The following FAM120A variants were observed in gnomAD, a reference collection of about 807,000 sequenced individuals.
FAM120A encodes the protein constitutive coactivator of PPAR-gamma-like protein 1.
A neutral mutation model predicts 109.7 loss-of-function variants in FAM120A; 15 were observed. The ratio of observed to expected loss-of-function variants is 0.14; its 90% CI spans 0.09 to 0.21. FAM120A has a LOEUF of 0.21. Among genes scored for constraint, FAM120A ranks in the 10% least tolerant of loss-of-function variants. FAM120A has a pLI of 1.00. For synonymous variants in FAM120A, 493 were observed against 572.8 expected, an observed-to-expected ratio of 0.86 and a Z score of 1.99; for missense variants, 899 against 1,439.3, an observed-to-expected ratio of 0.62 and a Z score of 6.07.
chr9:93,543,191 A>C (rs771944165), intron 10 of FAM120A, 31 bp from the exon 11 acceptor site: 13 of 1,607,590 alleles, frequency 8.1e-6, no homozygotes. Context: ...TGATGCATGA[A>C]TGTGTCTTCT....
At chr9:93,554,178 C>CACACACA (rs1862209679) in intron 12 of FAM120A, among the ~76,000 whole-genome samples, 1 of 149,850 alleles carries the variant, frequency 6.7e-6, no homozygotes, top group Non-Finnish European at 1.5e-5. Context: ...CACACACACA[C>CACACACA]ACTAGCCTTG....
chr9:93,471,422 A>C (rs1366868239), intron 2 of FAM120A, 35 bp downstream of exon 2: 5 of 1,611,480 alleles, frequency 3.1e-6, no homozygotes, highest in Non-Finnish European at 4.2e-6. Flanking sequence ...TTTATAAGGG[A>C]GTGACCATAT....
chr9:93,453,646 G>A (rs1305206045), intron 1 of FAM120A: 60 of 985,278 alleles, frequency 6.1e-5, no homozygotes, highest in Non-Finnish European at 6.5e-5. Context: ...TTAAGTCGTG[G>A]GTGGAGGCGG....
intron 11 of FAM120A, among the ~76,000 whole-genome samples, chr9:93,545,577 C>T (rs186789264): frequency 6.6e-6 from 1 of 152,304 alleles, no homozygotes; most frequent in Admixed American, 6.5e-5. Context: ...GACCATCCCT[C>T]CCACTGGGTC....
At position 93,563,555 on chromosome 9, in the gene FAM120A, C is replaced by T. The variant is rs565060822; in HGVS notation, c.3046-674C>T. ...CATCACGGAGAGTGGACAGAGCCAG[C>T]GTATCATATGCTAAGGTTGAGGAGC... On this transcript the variant is annotated intron_variant, in intron 17 of 17. Transcript: ENST00000277165. Among the ~76,000 whole-genome samples the T allele has an allele frequency of 8.5e-5, 13 of 152,292 alleles. No individual in the cohort carries two copies. In the South Asian group the frequency reaches 1.9e-3, roughly 22 times the overall value.
chr9:93,452,071 C>T lies in FAM120A; in HGVS notation c.156C>T (p.Asn52=), dbSNP rs745810284. 1.2e-5 allele frequency: 20 copies of T among 1,601,196 alleles called. 1 individual carries two copies. In the South Asian group the frequency reaches 2.2e-4, roughly 18 times the overall value. The change falls in exon 1 of 18, where the codon AAC becomes AAT. Residue 52 remains asparagine, a synonymous_variant. Transcript: ENST00000277165. This position sits in a 1 kb window ranked among gnomAD's most constrained non-coding sequence, Gnocchi z 7.0. The part of the protein sequence containing the change: ...TPLRLLVDAD[N]CLHRLYGGFY... Reference sequence around the variant, plus strand: ...TGCGCCTGCTGGTGGACGCCGACAACTGCCTGCACCGCCTCTACGGCGGCT... The same window carrying T: ...TGCGCCTGCTGGTGGACGCCGACAATTGCCTGCACCGCCTCTACGGCGGCT...
At chr9:93,497,183 C>T (rs987647614) in intron 3 of FAM120A, among the ~76,000 whole-genome samples, 3 of 152,208 alleles carry the variant, frequency 2.0e-5, no homozygotes, top group Non-Finnish European at 2.9e-5. Flanking sequence ...GCAAACAAGT[C>T]TTGGACTTCT....
chr9:93,532,555 TAA>T lies in FAM120A; in HGVS notation c.1909+229_1909+230del, dbSNP rs1861369265. On this transcript the variant is annotated intron_variant, in intron 10 of 17. Coordinates refer to ENST00000277165, the MANE Select transcript of FAM120A (RefSeq NM_014612.5). The surrounding 1 kb of genome is among the most constrained non-coding windows in gnomAD (Gnocchi z 4.3). ...CATTCCAATAATGATGTTTATTCAG[TAA>T]AATAATAAAACAGGTTTACACTTTA... 1 of 539,084 alleles carries T rather than the reference TAA, an allele frequency of 1.9e-6. No individual in the cohort carries two copies. The highest frequency in any genetic ancestry group is 3.3e-6 in the Non-Finnish European group (1 of 300,598). 33.4% of individuals were successfully genotyped at this position (539,084 alleles called of 1,614,324 possible).
At chr9:93,562,127 C>A in intron 16 of FAM120A, 81 bp from the exon 17 acceptor site, 1 of 1,185,906 alleles carries the variant, frequency 8.4e-7, no homozygotes, top group Non-Finnish European at 1.2e-6. Flanking sequence ...GATTGGATGG[C>A]TTTAAAATCA....
chr9:93,549,904 G>A (rs1417315513), intron 11 of FAM120A, among the ~76,000 whole-genome samples: 1 of 152,236 alleles, frequency 6.6e-6, no homozygotes, highest in African/African-American at 2.4e-5. Context: ...GGGTGTTTGT[G>A]ATTCAGGCAG....
At chr9:93,505,554 T>C (rs995154430) in intron 5 of FAM120A, among the ~76,000 whole-genome samples, 5 of 152,208 alleles carry the variant, frequency 3.3e-5, no homozygotes, top group Non-Finnish European at 7.3e-5. Flanking sequence ...TTTCCCTTTG[T>C]TGTTTGTACC....
At chr9:93,523,246 A>T (rs1860918113) in intron 7 of FAM120A, 16 of 1,166,394 alleles carry the variant, frequency 1.4e-5, no homozygotes, top group Non-Finnish European at 1.6e-5. Flanking sequence ...CTTTTGCTTG[A>T]AGATGGTGTT....
At chr9:93,470,649 C>T (rs1240921897) in intron 1 of FAM120A, among the ~76,000 whole-genome samples, 14 of 152,048 alleles carry the variant, frequency 9.2e-5, no homozygotes, top group East Asian at 3.9e-4. Context: ...ACAGGTAGGC[C>T]GAGGGATCAT....
chr9:93,480,896 T>A (rs1263838060), intron 3 of FAM120A, among the ~76,000 whole-genome samples: 1 of 152,212 alleles, frequency 6.6e-6, no homozygotes, highest in Non-Finnish European at 1.5e-5. Flanking sequence ...GCCGCTGTGC[T>A]CCTTTCATGG....
At position 93,530,779 on chromosome 9, in the gene FAM120A, G is replaced by T. The variant is rs190791996; in HGVS notation, c.1734+1199G>T. The T allele has an allele frequency of 2.0e-5, 3 of 152,268 alleles. No individual in the cohort carries two copies. The East Asian group carries it at 5.8e-4, about 29-fold the overall frequency. The allele number at this position is 152,268 out of a possible 1,614,324, so 9.4% of individuals were successfully genotyped here. A position where few individuals can be genotyped will look rare whatever the true frequency, so the allele number is the denominator to read the frequency against. ...GGGGAAAACATTTTGCTAAGTTTAA[G>T]GAACCAAAGTTTTGGGAAGACATCT... On this transcript the variant is annotated intron_variant, in intron 9 of 17. Transcript: ENST00000277165.
chr9:93,560,280 C>T (rs1394128291), intron 15 of FAM120A, among the ~76,000 whole-genome samples: 4 of 151,224 alleles, frequency 2.6e-5, no homozygotes, highest in Non-Finnish European at 5.9e-5. Context: ...GGTGACAGAG[C>T]GAGACCCTGT....
rs952536694 is a variant in FAM120A at position 93,546,461 on chromosome 9, C to T, written c.2159+2990C>T. Among the ~76,000 whole-genome samples the T allele has an allele frequency of 5.3e-5, 8 of 152,348 alleles. 1 individual carries two copies. The Middle Eastern group carries it at 0.02, about 389-fold the overall frequency. On this transcript the variant is annotated intron_variant, in intron 11 of 17. Transcript: ENST00000277165. ...CTTCGTGTTTAAGTTTGTGCTCAGA[C>T]TCTTAATGCCGTCCCATCTGGTGTA...
Position 93,564,432 on chromosome 9 carries a change from T to C in FAM120A, c.3249T>C (p.Asn1083=). 6.2e-7 allele frequency: 1 copy of C among 1,614,244 alleles called. No individual in the cohort carries two copies. The highest frequency in any genetic ancestry group is 8.5e-7 in the Non-Finnish European group (1 of 1,180,038). ...APSHSESALN[N]DSKTCNTNPH... ...GCCACTCTGAAAGTGCCTTGAATAA[T>C]GACTCTAAAACGTGCAATACAAATC... is the stretch of plus-strand genomic sequence containing the variant. The change falls in exon 18 of 18, where the codon AAT becomes AAC. Residue 1083 remains asparagine, a synonymous_variant. Coordinates refer to ENST00000277165, the MANE Select transcript of FAM120A (RefSeq NM_014612.5).
At position 93,491,542 on chromosome 9, in the gene FAM120A, C is replaced by T. The variant is rs1490544133; in HGVS notation, c.805-5929C>T. On this transcript the variant is annotated intron_variant, in intron 3 of 17. Transcript: ENST00000277165. Reference sequence around the variant, plus strand: ...TTGCATGGAGACAGTGATCAATTTCCACCCAAACAGTATCTATTTATTATT... The same window carrying T: ...TTGCATGGAGACAGTGATCAATTTCTACCCAAACAGTATCTATTTATTATT... Among the ~76,000 whole-genome samples, 5 of 152,316 alleles carry T rather than the reference C, an allele frequency of 3.3e-5. No individual in the cohort carries two copies. The South Asian group carries it at 1.0e-3, about 32-fold the overall frequency.
Sources: allele counts gnomAD v4.1 joint callset (sites outside exome capture counted in the v4.1 genomes callset), GRCh38; gene constraint gnomAD v4.1.1; non-coding constraint Gnocchi (gnomAD v3.1); transcripts MANE v1.5; gene names NCBI Gene and HGNC (gene_info 2026-07-23, HGNC 2026-07-21).